Variants in LTB observed in about 807,000 individuals in gnomAD.
LTB encodes the protein lymphotoxin-beta.
Under a neutral mutation model 14.7 loss-of-function variants are expected in LTB, and 17 were observed. That is an observed-to-expected ratio of 1.16 (90% CI 0.79 to 1.73). The LOEUF is 1.73. Ranked by LOEUF, LTB falls within the 40% of genes most tolerant of loss-of-function variation. LTB has a pLI of 0.00. For synonymous variants in LTB, 163 were observed against 157.3 expected (o/e 1.04, Z -0.27); for missense variants, 288 against 324.3 (o/e 0.89, Z 0.86).
intron 1 of LTB, 110 bp from the exon 2 acceptor site, chr6:31,581,969 T>C (rs531161090): frequency 6.4e-6 from 7 of 1,086,412 alleles, no homozygotes; most frequent in East Asian, 2.4e-5. Flanking sequence ...ACCAGCACCA[T>C]CCCCAACACA....
chr6:31,580,905 T>C lies in LTB; in HGVS notation c.539A>G (p.Glu180Gly). The C allele has an allele frequency of 6.3e-7, 1 of 1,594,728 alleles. No homozygotes were observed. The highest frequency in any genetic ancestry group is 8.5e-7 in the Non-Finnish European group (1 of 1,171,780). Residue 180 changes from glutamate to glycine, a missense_variant, in exon 4 of 4, where the codon GAG becomes GGG. Around this residue, in one of 2 missense-constraint regions of LTB, gnomAD observed 284 missense variants for 299.2 expected, o/e 0.95. Transcript: ENST00000429299. This position sits in a 1 kb window ranked among gnomAD's most constrained non-coding sequence, Gnocchi z 6.6. Reference protein sequence around the residue: ...YGPGTPELLLEGAETVTPVLD... With the variant: ...YGPGTPELLLGGAETVTPVLD... ...CACTGGAGTCACCGTCTCGGCGCCC[T>C]CGAGCAGCAGCTCGGGAGTGCCCGG...
Position 31,581,868 on chromosome 6 carries a change from G to C in LTB, c.163-9C>G, listed in dbSNP as rs543181955. 1 of 1,582,236 alleles carries C rather than the reference G, an allele frequency of 6.3e-7. No homozygotes were observed. Among genetic ancestry groups the C allele is most frequent in the African/African-American group, 1.4e-5 (1 of 73,872 alleles). ...TCGGCCGTCTCCGTTACCTGGTTGG[G>C]TGGGGTCACAGTGCCCAGAGTTCAG... On this transcript the variant is annotated splice_polypyrimidine_tract_variant and intron_variant, in intron 1 of 3. Transcript: ENST00000429299.
At chr6:31,581,226 G>A in intron 3 of LTB, 63 bp from the exon 4 acceptor site, 1 of 1,450,620 alleles carries the variant, frequency 6.9e-7, no homozygotes, top group Non-Finnish European at 9.2e-7. Context: ...GACTTCTGGG[G>A]AAGTGGCGGC....
intron 1 of LTB, 157 bp from the exon 2 acceptor site, chr6:31,582,016 A>T (rs186288832): frequency 3.6e-6 from 3 of 827,116 alleles, no homozygotes; most frequent in Middle Eastern, 2.3e-4. Flanking sequence ...AGGCATAGGT[A>T]CTTGGGCGGA....
rs1361438482 is a variant in LTB, at chr6:31,582,380, A to G, written c.38T>C (p.Leu13Pro). 6.2e-7 allele frequency: 1 copy of G among 1,612,730 alleles called. No homozygotes were observed. ...ALGLEGRGGR[L>P]QGRGSLLLAV... is the part of the protein sequence containing the mutation. ...TAGCAGGAGGGAACCCCTCCCCTGG[A>G]GCCTCCCACCCCTGCCCTCCAGCCC... The change falls in exon 1 of 4, where the codon CTC becomes CCC. Residue 13 changes from leucine (L) to proline (P), a missense_variant. By Grantham distance (98) the Leu-to-Pro change is moderately conservative (BLOSUM62 -3). This residue lies in a region of LTB where 284 missense variants were observed against 299.2 expected (regional missense o/e 0.95). Coordinates refer to ENST00000429299, the MANE Select transcript of LTB (RefSeq NM_002341.2).
intron 1 of LTB, 179 bp downstream of exon 1, chr6:31,582,077 G>A (rs924259614): frequency 9.8e-6 from 8 of 816,778 alleles, no homozygotes; most frequent in Admixed American, 7.9e-5. Flanking sequence ...GGCTTATGTC[G>A]GGACACAAGC....
chr6:31,581,843 T>C lies in LTB; in HGVS notation c.179A>G (p.Asp60Gly). The change falls in exon 2 of 4, where the codon GAC becomes GGC. Residue 60 changes from aspartate (D) to glycine (G), a missense_variant. This residue lies in a region of LTB where 284 missense variants were observed against 299.2 expected (regional missense o/e 0.95). Transcript: ENST00000429299. ...DQGGLVTETA[D>G]PGAQAQQGLG... ...TCCTTGCTGGGCCTGTGCCCCGGGGTCGGCCGTCTCCGTTACCTGGTTGGG... is the reference window on the plus strand; with the variant it reads ...TCCTTGCTGGGCCTGTGCCCCGGGGCCGGCCGTCTCCGTTACCTGGTTGGG... 1 of 1,598,606 alleles carries C rather than the reference T, an allele frequency of 6.3e-7. No homozygotes were observed. Among genetic ancestry groups the C allele is most frequent in the Non-Finnish European group, 8.5e-7 (1 of 1,173,910 alleles).
intron 3 of LTB, 88 bp from the exon 4 acceptor site, chr6:31,581,251 G>A (rs1219997061): frequency 7.7e-6 from 10 of 1,300,272 alleles, no homozygotes; most frequent in Non-Finnish European, 1.0e-5. Context: ...AGCCCCTGCG[G>A]GAGCCGAGCC....
chr6:31,581,516 T>C (rs1449941305), intron 3 of LTB, 43 bp downstream of exon 3: 2 of 1,578,252 alleles, frequency 1.3e-6, no homozygotes, highest in Admixed American at 1.7e-5. Context: ...AACTGGAACC[T>C]TCGGATTATT....
chr6:31,581,684 T>A (rs1771529246), intron 2 of LTB, 54 bp from the exon 3 acceptor site: 3 of 1,600,074 alleles, frequency 1.9e-6, no homozygotes, highest in East Asian at 2.2e-5. Context: ...CCATGCAGGC[T>A]ACCCTTGAGA....
rs143260958 is a variant in LTB at position 31,581,148 on chromosome 6, C to T, written c.296G>A (p.Gly99Glu). 5.2e-6 allele frequency: 8 copies of T among 1,541,964 alleles called. No individual in the cohort carries two copies. The highest frequency in any genetic ancestry group is 7.0e-6 in the Non-Finnish European group (8 of 1,147,392). ...AAHLIGAPLK[G>E]QGLGWETTKE... ...CGTCGTCTCCCAGCCTAGCCCCTGC[C>T]CCTTCAGCGGAGCGCCTGCGGAGAC... is the stretch of plus-strand genomic sequence containing the variant. The change falls in exon 4 of 4, where the codon GGG becomes GAG. Residue 99 changes from glycine (G) to glutamate (E), a missense_variant. Gly to Glu is a moderately conservative substitution (Grantham distance 98). Coordinates refer to ENST00000429299, the MANE Select transcript of LTB (RefSeq NM_002341.2).
chr6:31,580,856 CCCTTGTCT>C lies in LTB; in HGVS notation c.580_587del (p.Arg194ValfsTer?), dbSNP rs1771434315. 6.2e-7 allele frequency: 1 copy of C among 1,610,388 alleles called. No homozygotes were observed. Among genetic ancestry groups the C allele is most frequent in the African/African-American group, 1.3e-5 (1 of 74,856 alleles). On this transcript the variant is annotated frameshift_variant, in exon 4 of 4. Coordinates refer to ENST00000429299, the MANE Select transcript of LTB (RefSeq NM_002341.2). LOFTEE classifies it high-confidence loss of function. The surrounding 1 kb of genome is among the most constrained non-coding windows in gnomAD (Gnocchi z 6.6). ...CGCTCGTGTACCAGAGAGGCCCGTA[CCCTTGTCT>C]CCTGGCCGGGTCCAGCACTGGAGTC... is the stretch of plus-strand genomic sequence containing the variant.
Position 31,581,830 on chromosome 6 carries a change from C to T in LTB, c.192G>A (p.Gln64=). 4 of 1,605,176 alleles carry T rather than the reference C, an allele frequency of 2.5e-6. No individual in the cohort carries two copies. The highest frequency in any genetic ancestry group is 3.4e-6 in the Non-Finnish European group (4 of 1,176,718). Residue 64 remains glutamine, a synonymous_variant, in exon 2 of 4, where the codon CAG becomes CAA. Coordinates refer to ENST00000429299, the MANE Select transcript of LTB (RefSeq NM_002341.2). The part of the protein sequence containing the change: ...LVTETADPGA[Q]AQQGLGFQKL... ...TGCTCTTACCCAGTCCTTGCTGGGC[C>T]TGTGCCCCGGGGTCGGCCGTCTCCG...
chr6:31,582,227 C>G (rs775174983), intron 1 of LTB, 29 bp downstream of exon 1: 1 of 1,610,638 alleles, frequency 6.2e-7, no homozygotes. Context: ...AGATACAACT[C>G]TCCACCAGGG....
chr6:31,581,679 C>T (rs375282274), intron 2 of LTB, 49 bp from the exon 3 acceptor site: 4 of 1,593,454 alleles, frequency 2.5e-6, no homozygotes, highest in African/African-American at 1.3e-5. Flanking sequence ...GCCACCCATG[C>T]AGGCTACCCT....
intron 1 of LTB, 100 bp downstream of exon 1, chr6:31,582,156 C>G (rs1771589475): frequency 1.4e-6 from 2 of 1,410,180 alleles, no homozygotes; most frequent in Admixed American, 1.9e-5. Context: ...GACAGCCGAG[C>G]CAGCTGAGCC....
rs868569341 is a variant in LTB, at chr6:31,580,924, T to C, written c.520A>G (p.Thr174Ala). The C allele has an allele frequency of 4.4e-6, 7 of 1,584,986 alleles. No homozygotes were observed. Among genetic ancestry groups the C allele is most frequent in the South Asian group, 2.3e-5 (2 of 87,940 alleles). ...GCGCCCTCGAGCAGCAGCTCGGGAGTGCCCGGCCCGTAGGCGCCCCCCGCC... is the reference window on the plus strand; with the variant it reads ...GCGCCCTCGAGCAGCAGCTCGGGAGCGCCCGGCCCGTAGGCGCCCCCCGCC... ...YRAGGAYGPG[T>A]PELLLEGAET... is the part of the protein sequence containing the mutation. Residue 174 changes from threonine to alanine, a missense_variant, in exon 4 of 4, where the codon ACT becomes GCT. This residue lies in a region of LTB where 284 missense variants were observed against 299.2 expected (regional missense o/e 0.95). Transcript: ENST00000429299. The surrounding 1 kb of genome is among the most constrained non-coding windows in gnomAD (Gnocchi z 6.6).
intron 1 of LTB, 155 bp from the exon 2 acceptor site, chr6:31,582,014 G>C (rs564851224): frequency 6.0e-6 from 5 of 837,176 alleles, no homozygotes; most frequent in Admixed American, 2.7e-5. Context: ...CAAGGCATAG[G>C]TACTTGGGCG....
At position 31,582,322 on chromosome 6, in the gene LTB, C is replaced by A. The variant is rs773880151; in HGVS notation, c.96G>T (p.Leu32Phe). 6.2e-7 allele frequency: 1 copy of A among 1,613,086 alleles called. No individual in the cohort carries two copies. Among genetic ancestry groups the A allele is most frequent in the South Asian group, 1.1e-5 (1 of 91,090 alleles). ...AVAGATSLVT[L>F]LLAVPITVLA... is the part of the protein sequence containing the mutation. ...GGACAGTGATAGGCACCGCCAGCAA[C>A]AAGGTCACCAGAGAAGTGGCTCCTG... The change falls in exon 1 of 4, where the codon TTG (leucine) becomes TTT (phenylalanine). Residue 32 changes from leucine to phenylalanine, a missense_variant. Transcript: ENST00000429299.
Sources: gnomAD v4.1 joint callset for allele counts on GRCh38, gnomAD v4.1.1 for gene constraint, gnomAD v4.1.1 regional missense constraint, Gnocchi (gnomAD v3.1) non-coding constraint, MANE v1.5 for transcripts, NCBI Gene and HGNC (gene_info 2026-07-23, HGNC 2026-07-21) for gene names.